Variants in MGAT4C observed in about 807,000 individuals in gnomAD.
The protein encoded by MGAT4C is MGAT4 family member C, also known as alpha-1,3-mannosyl-glycoprotein 4-beta-N-acetylglucosaminyltransferase C.
A neutral mutation model predicts 40.1 loss-of-function variants in MGAT4C; 19 were observed. The ratio of observed to expected loss-of-function variants is 0.47; its 90% confidence interval spans 0.33 to 0.70. The LOEUF (loss-of-function observed/expected upper bound fraction) is 0.70, where lower values mean the gene tolerates loss of function less well. MGAT4C is among the 30% of genes least tolerant of loss of function. The probability of loss-of-function intolerance (pLI) is 0.02; values close to 1 mark genes in which losing one functional copy is unlikely to be tolerated. For synonymous variants in MGAT4C, 181 were observed against 187.1 expected, an observed-to-expected ratio of 0.97 and a Z score of 0.27; for missense variants, 491 against 563.2, an observed-to-expected ratio of 0.87 and a Z score of 1.30.
intron 3 of MGAT4C, among the ~76,000 whole-genome samples, chr12:86,358,975 A>T (rs1342285726): frequency 6.6e-6 from 1 of 152,220 alleles, no homozygotes; most frequent in African/African-American, 2.4e-5. Context: ...CACCAGGTAG[A>T]CCTAATAGAC....
intron 2 of MGAT4C, among the ~76,000 whole-genome samples, chr12:86,601,580 A>G (rs1359802685): frequency 6.6e-6 from 1 of 151,780 alleles, no homozygotes; most frequent in Non-Finnish European, 1.5e-5. Flanking sequence ...GAGTAATCTC[A>G]TTTTTCCTGA....
chr12:86,566,708 GTAT>G (rs1179818836), intron 2 of MGAT4C, among the ~76,000 whole-genome samples: 6 of 141,824 alleles, frequency 4.2e-5, no homozygotes, highest in South Asian at 2.2e-4. Context: ...TATTATATAT[GTAT>G]TATATGTATA....
chr12:86,502,578 G>A (rs1027577014), intron 2 of MGAT4C, among the ~76,000 whole-genome samples: 22 of 148,548 alleles, frequency 1.5e-4, no homozygotes, highest in Admixed American at 8.4e-4. Context: ...TTGTTGGCAC[G>A]GGGAAAGCAG....
At chr12:86,836,115 G>C (rs746589135) in intron 1 of MGAT4C, among the ~76,000 whole-genome samples, 20 of 151,930 alleles carry the variant, frequency 1.3e-4, no homozygotes, top group Admixed American at 2.0e-4. Context: ...AAACAAACTA[G>C]CTTAACGGAT....
rs568216160 is a variant in MGAT4C at position 86,284,001 on chromosome 12, A to G, written c.-57+50064T>C. On this transcript the variant is annotated intron_variant, in intron 4 of 7. Transcript: ENST00000548651. ...TGTTGCACAGGACTTTATATAGCTG[A>G]ATAAAAGATAAGCATAAAGTTTTCT... is the stretch of plus-strand genomic sequence containing the variant. 2.0e-5 allele frequency among the ~76,000 whole-genome samples: 3 copies of G among 152,256 alleles called. No individual in the cohort carries two copies. The East Asian group carries it at 5.8e-4, about 29-fold the overall frequency.
intron 4 of MGAT4C, among the ~76,000 whole-genome samples, chr12:86,295,605 C>T (rs1194856423): frequency 2.0e-5 from 3 of 152,180 alleles, no homozygotes; most frequent in East Asian, 1.9e-4. Flanking sequence ...CCAATGCTGG[C>T]TCTGGCAGCC....
chr12:86,186,570 T>C lies in MGAT4C; in HGVS notation c.-57+69669A>G, dbSNP rs190235983. Among the ~76,000 whole-genome samples, 7 of 152,280 alleles carry C rather than the reference T, an allele frequency of 4.6e-5. No individual in the cohort carries two copies. In the East Asian group the frequency reaches 7.7e-4, roughly 17 times the overall value. Reference sequence around the variant, plus strand: ...CCCCTAACAGACAAATTATTCCCCTTGAGCTCTAAAATCTAAAAACATTTG... The same window carrying C: ...CCCCTAACAGACAAATTATTCCCCTCGAGCTCTAAAATCTAAAAACATTTG... On this transcript the variant is annotated intron_variant, in intron 1 of 4. Coordinates refer to ENST00000611864, the MANE Select transcript of MGAT4C (RefSeq NM_001351288.2).
At chr12:86,304,454 T>A (rs1368256899) in intron 4 of MGAT4C, among the ~76,000 whole-genome samples, 1 of 150,638 alleles carries the variant, frequency 6.6e-6, no homozygotes, top group African/African-American at 2.5e-5. Flanking sequence ...ATCAAAAATT[T>A]ATACTTATTC....
chr12:85,989,333 A>G (rs966303632), intron 3 of MGAT4C, 67 bp downstream of exon 3: 1 of 1,405,716 alleles, frequency 7.1e-7, no homozygotes, highest in East Asian at 2.4e-5. Context: ...TTAGGCTACA[A>G]TGGGACTAAT....
chr12:86,197,788 A>C lies in MGAT4C; in HGVS notation c.-57+58451T>G, dbSNP rs372925653. Among the ~76,000 whole-genome samples the C allele has an allele frequency of 2.0e-4, 30 of 152,308 alleles. 1 individual carries two copies. In the South Asian group the frequency reaches 5.6e-3, roughly 28 times the overall value. ...TTTAACTCAAAAAAGTAAAAGATGC[A>C]TTCTTAGTAGAATTATTCTTACACA... On this transcript the variant is annotated intron_variant, in intron 1 of 4. Transcript: ENST00000611864.
intron 1 of MGAT4C, among the ~76,000 whole-genome samples, chr12:86,824,736 C>CAAA (rs35714537): frequency 8.3e-5 from 5 of 60,244 alleles, no homozygotes; most frequent in African/African-American, 1.2e-4. Context: ...ACAGCCAGGC[C>CAAA]AAAAAAAAAA....
At chr12:86,015,459 C>T (rs934034061) in intron 2 of MGAT4C, among the ~76,000 whole-genome samples, 4 of 152,004 alleles carry the variant, frequency 2.6e-5, no homozygotes, top group Admixed American at 2.0e-4. Context: ...CTTGACTGTA[C>T]GGAAGGCAGA....
In MGAT4C at chr12:86,484,667, G is replaced by A. The variant is rs936719215; in HGVS notation, c.-228-49402C>T. 4.6e-5 allele frequency among the ~76,000 whole-genome samples: 7 copies of A among 152,230 alleles called. No homozygotes were observed. In the East Asian group the frequency reaches 9.6e-4, roughly 21 times the overall value. ...GAGAAATGTGGGTTTGTGGACCGGC[G>A]TGGGAGTGGGCTGTGGCTCCAATCA... On this transcript the variant is annotated intron_variant, in intron 2 of 7. Coordinates refer to the MGAT4C transcript ENST00000548651.
intron 4 of MGAT4C, among the ~76,000 whole-genome samples, chr12:86,312,751 C>T (rs1473743102): frequency 6.6e-6 from 1 of 151,932 alleles, no homozygotes; most frequent in Non-Finnish European, 1.5e-5. Context: ...AAAAACAAAC[C>T]TTTCATTTTA....
intron 2 of MGAT4C, among the ~76,000 whole-genome samples, chr12:86,703,420 TTA>T (rs1950398118): frequency 6.6e-6 from 1 of 152,096 alleles, no homozygotes; most frequent in Middle Eastern, 3.2e-3. Flanking sequence ...TTTTTTGATT[TTA>T]AGAAATTACC....
intron 4 of MGAT4C, among the ~76,000 whole-genome samples, chr12:86,287,550 C>T (rs1012905637): frequency 5.9e-5 from 9 of 152,066 alleles, no homozygotes; most frequent in African/African-American, 1.9e-4. Context: ...TGTTTCCCTC[C>T]CTGTGTCCAT....
chr12:86,011,289 C>T (rs889066428), intron 2 of MGAT4C, among the ~76,000 whole-genome samples: 4 of 152,000 alleles, frequency 2.6e-5, no homozygotes, highest in Non-Finnish European at 5.9e-5. Flanking sequence ...GAGACATAAG[C>T]GCAGGTTTAT....
chr12:86,347,665 G>A (rs1209946738), intron 3 of MGAT4C, among the ~76,000 whole-genome samples: 4 of 152,068 alleles, frequency 2.6e-5, no homozygotes. Context: ...TTTACTTCTG[G>A]TTCTGGTAGA....
chr12:86,584,680 T>C, intron 2 of MGAT4C, among the ~76,000 whole-genome samples: 1 of 151,402 alleles, frequency 6.6e-6, no homozygotes. Flanking sequence ...GTATATATAC[T>C]TTAATGTTTA....
Sources: allele counts gnomAD v4.1 joint callset (sites outside exome capture counted in the v4.1 genomes callset), GRCh38; gene constraint gnomAD v4.1.1; transcripts MANE v1.5; gene names NCBI Gene and HGNC (gene_info 2026-07-23, HGNC 2026-07-21).